TMEM233: variants seen among roughly 807,000 people sequenced by gnomAD.
The protein encoded by TMEM233 is transmembrane protein 233.
In TMEM233, 6 loss-of-function variants were observed where a neutral mutation model predicts 11.2. That is an observed-to-expected ratio of 0.54 (90% CI 0.29 to 1.06). The LOEUF is 1.06. TMEM233 is among the 50% of genes least tolerant of loss of function. The probability of loss-of-function intolerance (pLI) is 0.08; values close to 1 mark genes in which losing one functional copy is unlikely to be tolerated. For missense variants in TMEM233, 127 were observed against 144.7 expected (o/e 0.88, Z 0.63); for synonymous variants, 59 against 55.8 (o/e 1.06, Z -0.26).
intron 1 of TMEM233, among the ~76,000 whole-genome samples, chr12:119,620,094 A>C (rs1401032256): frequency 1.3e-5 from 2 of 152,138 alleles, no homozygotes; most frequent in African/African-American, 4.8e-5. Context: ...GTCATGAGGG[A>C]GAGCTGGCCA....
intron 1 of TMEM233, among the ~76,000 whole-genome samples, chr12:119,613,572 C>T (rs889830565): frequency 6.6e-6 from 1 of 152,034 alleles, no homozygotes; most frequent in Non-Finnish European, 1.5e-5. Context: ...CCAGCACTTT[C>T]GGAGGCTGAG....
intron 1 of TMEM233, among the ~76,000 whole-genome samples, chr12:119,600,408 A>G (rs1011172008): frequency 6.7e-6 from 1 of 149,576 alleles, no homozygotes; most frequent in Non-Finnish European, 1.5e-5. Flanking sequence ...AAAACAGCAG[A>G]AGCTCCTTTG....
intron 1 of TMEM233, among the ~76,000 whole-genome samples, chr12:119,601,510 T>G (rs887349271): frequency 6.6e-6 from 1 of 151,858 alleles, no homozygotes; most frequent in Non-Finnish European, 1.5e-5. Flanking sequence ...CAAAAAAAAT[T>G]AGCCAGGCGT....
At chr12:119,624,446 T>C (rs1954709118) in intron 1 of TMEM233, among the ~76,000 whole-genome samples, 1 of 152,204 alleles carries the variant, frequency 6.6e-6, no homozygotes, top group Non-Finnish European at 1.5e-5. Flanking sequence ...AAATGCAGTG[T>C]ATCCTTACAG....
intron 2 of TMEM233, among the ~76,000 whole-genome samples, chr12:119,638,725 C>T (rs576361448): frequency 1.1e-4 from 16 of 152,028 alleles, no homozygotes; most frequent in African/African-American, 2.4e-4. Flanking sequence ...TATGATGGGA[C>T]GCCACACTGC....
chr12:119,600,414 CT>C (rs1331997913), intron 1 of TMEM233, among the ~76,000 whole-genome samples: 1 of 150,150 alleles, frequency 6.7e-6, no homozygotes, highest in East Asian at 1.9e-4. Context: ...GCAGAAGCTC[CT>C]TTGAGCTGGA....
At chr12:119,650,567 G>T in the TMEM233 span, among the ~76,000 whole-genome samples, 1 of 152,202 alleles carries the variant, frequency 6.6e-6, no homozygotes, top group Non-Finnish European at 1.5e-5. Context: ...TCTGTGAGAT[G>T]AACTTTTACG....
chr12:119,602,874 A>G (rs10849676), intron 1 of TMEM233, among the ~76,000 whole-genome samples: 56,456 of 152,094 alleles, frequency 0.37, 11,564 homozygotes, highest in African/African-American at 0.52. Flanking sequence ...CTAATGCATG[A>G]CAGTGGAAGC....
chr12:119,606,027 C>G (rs1251512436), intron 1 of TMEM233, among the ~76,000 whole-genome samples: 5 of 152,090 alleles, frequency 3.3e-5, no homozygotes, highest in African/African-American at 1.2e-4. Context: ...CTCAGAATGC[C>G]CAGCACGACT....
At chr12:119,605,526 T>G (rs1954261860) in intron 1 of TMEM233, among the ~76,000 whole-genome samples, 2 of 144,660 alleles carry the variant, frequency 1.4e-5, no homozygotes, top group Admixed American at 7.3e-5. Context: ...CTCCCCAGGC[T>G]AAGTCGATCC....
chr12:119,596,784 C>T (rs544240483), intron 1 of TMEM233, among the ~76,000 whole-genome samples: 202 of 152,238 alleles, frequency 1.3e-3, no homozygotes, highest in African/African-American at 4.5e-3. Flanking sequence ...TGAGCCACTG[C>T]GCCCGGCCAA....
the TMEM233 span, among the ~76,000 whole-genome samples, chr12:119,652,174 A>G: frequency 2.0e-5 from 3 of 152,270 alleles, no homozygotes; most frequent in African/African-American, 7.2e-5. Context: ...GTGATTCCAT[A>G]TTAGAAATTA....
chr12:119,619,830 T>G (rs1302465535), intron 1 of TMEM233, among the ~76,000 whole-genome samples: 1 of 152,210 alleles, frequency 6.6e-6, no homozygotes, highest in African/African-American at 2.4e-5. Flanking sequence ...ACTTTTTTGA[T>G]GTGGTTACTA....
At chr12:119,604,366 T>C (rs1954223813) in intron 1 of TMEM233, among the ~76,000 whole-genome samples, 2 of 152,226 alleles carry the variant, frequency 1.3e-5, no homozygotes, top group Non-Finnish European at 2.9e-5. Flanking sequence ...CCCCTGTGCA[T>C]TATGGCTCTT....
chr12:119,626,155 T>TA (rs906468915), intron 1 of TMEM233, among the ~76,000 whole-genome samples: 1 of 151,832 alleles, frequency 6.6e-6, no homozygotes, highest in Non-Finnish European at 1.5e-5. Context: ...CCCTCTTAAT[T>TA]AAAAAAAGCT....
rs115171999 is a variant in TMEM233, at chr12:119,638,235, G to A, written c.324-2464G>A. On this transcript the variant is annotated intron_variant, in intron 2 of 2. Transcript: ENST00000426426. ...AGCACTTTGGGAGGCAGAAACAGGA[G>A]GATCACTAGAGCTCAGGAGCTGGAG... Among the ~76,000 whole-genome samples the A allele has an allele frequency of 4.3e-3, 656 of 152,282 alleles. 8 individuals carry two copies. Among genetic ancestry groups the A allele is most frequent in the African/African-American group, 0.015 (616 of 41,556 alleles).
rs900649663 is a variant in TMEM233 at position 119,595,806 on chromosome 12, T to G, written c.186+1772T>G. ...CGCGCAAGCTCTGTTCTTCCTTCCCTGCTACCTTTTGACCAAATTACTTCT... is the reference window on the plus strand; with the variant it reads ...CGCGCAAGCTCTGTTCTTCCTTCCCGGCTACCTTTTGACCAAATTACTTCT... On this transcript the variant is annotated intron_variant, in intron 1 of 2. Coordinates refer to ENST00000426426, the MANE Select transcript of TMEM233 (RefSeq NM_001136534.3). The surrounding 1 kb of genome is among the most constrained non-coding windows in gnomAD (Gnocchi z 4.3). Among the ~76,000 whole-genome samples, 14 of 152,320 alleles carry G rather than the reference T, an allele frequency of 9.2e-5. No homozygotes were observed. Among genetic ancestry groups the G allele is most frequent in the African/African-American group, 3.4e-4 (14 of 41,586 alleles).
chr12:119,602,573 T>C (rs1272726759), intron 1 of TMEM233, among the ~76,000 whole-genome samples: 1 of 152,214 alleles, frequency 6.6e-6, no homozygotes, highest in Non-Finnish European at 1.5e-5. Flanking sequence ...CCATAGATTT[T>C]GCAAATATGC....
chr12:119,622,298 G>A (rs1476087123), intron 1 of TMEM233, among the ~76,000 whole-genome samples: 1 of 152,116 alleles, frequency 6.6e-6, no homozygotes, highest in East Asian at 1.9e-4. Context: ...GTAAGATTAG[G>A]GAAAGAGATT....
Sources: gnomAD v4.1 joint callset for allele counts (sites outside exome capture counted in the v4.1 genomes callset) on GRCh38, gnomAD v4.1.1 for gene constraint, Gnocchi (gnomAD v3.1) non-coding constraint, MANE v1.5 for transcripts, NCBI Gene and HGNC (gene_info 2026-07-23, HGNC 2026-07-21) for gene names.